The following IL20RB variants were observed in gnomAD, a reference collection of about 807,000 sequenced individuals.
IL20RB encodes the protein interleukin 20 receptor subunit beta.
Under a neutral mutation model 33.3 loss-of-function variants are expected in IL20RB, and 21 were observed. The ratio of observed to expected loss-of-function variants is 0.63; its 90% confidence interval spans 0.45 to 0.91. The LOEUF (loss-of-function observed/expected upper bound fraction) is 0.91, where lower values mean the gene tolerates loss of function less well. Among genes scored for constraint, IL20RB ranks in the 40% least tolerant of loss-of-function variants. The probability of loss-of-function intolerance (pLI) is 0.00; values close to 1 mark genes in which losing one functional copy is unlikely to be tolerated. For missense variants in IL20RB, 345 were observed against 384.8 expected (o/e 0.90, Z 0.86); for synonymous variants, 147 against 146.8 (o/e 1.00, Z -0.01).
intron 1 of IL20RB, among the ~76,000 whole-genome samples, chr3:136,969,570 A>G (rs1156636046): frequency 1.4e-4 from 20 of 147,270 alleles, no homozygotes; most frequent in Admixed American, 5.4e-4. Context: ...CACGGTGCGC[A>G]CACACACTGG....
intron 3 of IL20RB, 40 bp downstream of exon 3, chr3:136,982,390 C>T (rs1941799050): frequency 7.0e-7 from 1 of 1,425,988 alleles, no homozygotes; most frequent in African/African-American, 1.4e-5. Context: ...CCCAACCAGC[C>T]CCTCCTTTAG....
chr3:136,984,780 T>TGACTTCATGGAATGGAGA (rs1941861035), intron 3 of IL20RB, among the ~76,000 whole-genome samples: 3 of 152,012 alleles, frequency 2.0e-5, no homozygotes, highest in Non-Finnish European at 4.4e-5. Context: ...TGGAATGGAA[T>TGACTTCATGGAATGGAGA]GACTTCATGG....
At chr3:137,000,115 T>C (rs1433719771) in intron 6 of IL20RB, among the ~76,000 whole-genome samples, 5 of 152,228 alleles carry the variant, frequency 3.3e-5, no homozygotes, top group Admixed American at 3.3e-4. Flanking sequence ...GATTCAGTTA[T>C]GTTCCTCTGA....
At chr3:136,992,279 C>T (rs1020797660) in intron 5 of IL20RB, among the ~76,000 whole-genome samples, 191 bp downstream of exon 5, 1 of 152,216 alleles carries the variant, frequency 6.6e-6, no homozygotes, top group African/African-American at 2.4e-5. Context: ...GGAGTCCACC[C>T]TGGGGCTGGG....
chr3:136,995,727 GA>G (rs1449001088), intron 6 of IL20RB, among the ~76,000 whole-genome samples, 171 bp downstream of exon 6: 1 of 152,172 alleles, frequency 6.6e-6, no homozygotes, highest in Non-Finnish European at 1.5e-5. Context: ...AGAGGTACTG[GA>G]AGAAATCTCC....
chr3:136,988,318 TC>T (rs1941959121), intron 3 of IL20RB, among the ~76,000 whole-genome samples: 1 of 152,124 alleles, frequency 6.6e-6, no homozygotes. Flanking sequence ...TGTGGGCCCT[TC>T]TGTTCTTGGT....
intron 3 of IL20RB, among the ~76,000 whole-genome samples, chr3:136,983,366 G>C (rs1044079601): frequency 2.0e-5 from 3 of 152,218 alleles, no homozygotes; most frequent in African/African-American, 7.2e-5. Context: ...GGGATTACAG[G>C]CATGAGCCAT....
intron 1 of IL20RB, among the ~76,000 whole-genome samples, chr3:136,959,727 A>G (rs1453500342): frequency 6.6e-6 from 1 of 152,176 alleles, no homozygotes. Context: ...GAAAACACAC[A>G]CACACCAAAA....
intron 6 of IL20RB, among the ~76,000 whole-genome samples, chr3:136,996,228 A>G (rs1200064777): frequency 6.6e-6 from 1 of 152,098 alleles, no homozygotes; most frequent in Non-Finnish European, 1.5e-5. Context: ...ATCGTAGGGG[A>G]AACACAAAAG....
At chr3:136,960,620 A>ATG (rs1274513641) in intron 1 of IL20RB, among the ~76,000 whole-genome samples, 1 of 152,228 alleles carries the variant, frequency 6.6e-6, no homozygotes, top group East Asian at 1.9e-4. Context: ...GACTTCTCAC[A>ATG]TGAATCCTGC....
chr3:136,975,821 G>T (rs753332489), intron 1 of IL20RB, among the ~76,000 whole-genome samples: 1 of 152,188 alleles, frequency 6.6e-6, no homozygotes. Flanking sequence ...GTTTCCCAGG[G>T]TTATGTATGC....
intron 3 of IL20RB, among the ~76,000 whole-genome samples, chr3:136,984,580 C>T (rs934888205): frequency 7.3e-5 from 11 of 151,554 alleles, no homozygotes; most frequent in African/African-American, 2.7e-4. Context: ...TCAAAATTTA[C>T]TGAGGAATGT....
intron 1 of IL20RB, among the ~76,000 whole-genome samples, chr3:136,962,984 G>T (rs1167859318): frequency 6.6e-6 from 1 of 151,918 alleles, no homozygotes; most frequent in African/African-American, 2.4e-5. Context: ...ATTGTGCTAT[G>T]GTTATGTACA....
At chr3:136,992,366 G>C (rs1358917282) in intron 5 of IL20RB, among the ~76,000 whole-genome samples, 3 of 152,262 alleles carry the variant, frequency 2.0e-5, no homozygotes, top group African/African-American at 7.2e-5. Flanking sequence ...TTGCAAGACT[G>C]GTTTACCAGA....
chr3:136,987,460 A>C (rs1941931997), intron 3 of IL20RB, among the ~76,000 whole-genome samples: 1 of 152,118 alleles, frequency 6.6e-6, no homozygotes, highest in East Asian at 1.9e-4. Context: ...GTGTATTTAC[A>C]ATCCCTGAGC....
At chr3:136,977,801 C>T (rs937453617) in intron 1 of IL20RB, among the ~76,000 whole-genome samples, 1 of 152,180 alleles carries the variant, frequency 6.6e-6, no homozygotes, top group African/African-American at 2.4e-5. Flanking sequence ...GCTGGGTTTA[C>T]AGGCGTGAGC....
In IL20RB at chr3:136,995,559, A is replaced by G; in HGVS notation, c.825+3A>G. Reference sequence around the variant, plus strand: ...TGGTGGTCCTCCCAGACACCTTGGTAATAGAGTAGTTCTTTATTCCTTTCA... The same window carrying G: ...TGGTGGTCCTCCCAGACACCTTGGTGATAGAGTAGTTCTTTATTCCTTTCA... On this transcript the variant is annotated splice_donor_region_variant and intron_variant, in intron 6 of 6. Transcript: ENST00000329582. 6.2e-7 allele frequency: 1 copy of G among 1,614,090 alleles called. No homozygotes were observed.
At chr3:136,976,945 A>T (rs969527835) in intron 1 of IL20RB, among the ~76,000 whole-genome samples, 1 of 152,146 alleles carries the variant, frequency 6.6e-6, no homozygotes, top group Non-Finnish European at 1.5e-5. Flanking sequence ...ACATGATTCC[A>T]TGGTGGGAAT....
At chr3:136,972,344 T>A (rs1234531226) in intron 1 of IL20RB, among the ~76,000 whole-genome samples, 1 of 152,216 alleles carries the variant, frequency 6.6e-6, no homozygotes, top group Non-Finnish European at 1.5e-5. Context: ...TGCAGTCCCA[T>A]TTGTCTCTGA....
Sources: allele counts gnomAD v4.1 joint callset (sites outside exome capture counted in the v4.1 genomes callset), GRCh38; gene constraint gnomAD v4.1.1; transcripts MANE v1.5; gene names NCBI Gene and HGNC (gene_info 2026-07-23, HGNC 2026-07-21).